TECRL: variants seen among roughly 807,000 people sequenced by gnomAD.
TECRL encodes trans-2,3-enoyl-CoA reductase like.
A neutral mutation model predicts 52.8 loss-of-function variants in TECRL; 63 were observed. The observed-to-expected ratio is 1.19, with a 90% CI of 0.97 to 1.47. TECRL has a LOEUF of 1.47. TECRL is among the 40% of genes most tolerant of loss of function. The pLI is 0.00. For synonymous variants in TECRL, 164 were observed against 141.9 expected (o/e 1.16, Z -1.10); for missense variants, 482 against 429.6 (o/e 1.12, Z -1.08).
chr4:64,375,237 G>T lies in TECRL; in HGVS notation c.235-14C>A. On this transcript the variant is annotated splice_polypyrimidine_tract_variant and intron_variant, in intron 1 of 11. Transcript: ENST00000381210. Reference sequence around the variant, plus strand: ...TGATTGTGTCACCTGAAAAGGAAAAGAAAATAGAGTTATTTTTAAAAACTG... The same window carrying T: ...TGATTGTGTCACCTGAAAAGGAAAATAAAATAGAGTTATTTTTAAAAACTG... 1 of 1,325,652 alleles carries T rather than the reference G, an allele frequency of 7.5e-7. No homozygotes were observed. The highest frequency in any genetic ancestry group is 1.0e-6 in the Non-Finnish European group (1 of 1,003,596). 82.1% of individuals were successfully genotyped at this position (1,325,652 alleles called of 1,614,324 possible).
chr4:64,308,665 A>T (rs1489948832), intron 6 of TECRL, among the ~76,000 whole-genome samples: 1 of 152,172 alleles, frequency 6.6e-6, no homozygotes, highest in East Asian at 1.9e-4. Context: ...TCTAGTGGCC[A>T]TGTGTCTTAA....
At chr4:64,294,160 T>C (rs1709270268) in intron 8 of TECRL, among the ~76,000 whole-genome samples, 1 of 151,772 alleles carries the variant, frequency 6.6e-6, no homozygotes, top group Admixed American at 6.6e-5. Flanking sequence ...CTAATTTTTG[T>C]ATTTTTAGTA....
intron 2 of TECRL, among the ~76,000 whole-genome samples, chr4:64,355,354 T>C (rs1392727411): frequency 6.6e-6 from 1 of 152,132 alleles, no homozygotes; most frequent in African/African-American, 2.4e-5. Context: ...AACATGAAGA[T>C]GTTGCTATGG....
intron 4 of TECRL, among the ~76,000 whole-genome samples, chr4:64,321,790 A>G (rs1560497815): frequency 2.6e-5 from 4 of 152,134 alleles, no homozygotes; most frequent in African/African-American, 2.4e-5. Context: ...TTTCCTCCAA[A>G]AAGAGCCAAA....
chr4:64,323,271 C>A (rs975224690), intron 3 of TECRL, among the ~76,000 whole-genome samples: 2 of 151,762 alleles, frequency 1.3e-5, no homozygotes, highest in African/African-American at 4.8e-5. Context: ...GTGCTGTGTG[C>A]CTGTAGTCCC....
At chr4:64,362,798 C>T (rs1721286975) in intron 2 of TECRL, among the ~76,000 whole-genome samples, 1 of 151,926 alleles carries the variant, frequency 6.6e-6, no homozygotes. Context: ...ATCAAGTGTA[C>T]ATAACAACCA....
At chr4:64,360,366 A>G (rs953813856) in intron 2 of TECRL, among the ~76,000 whole-genome samples, 1 of 152,190 alleles carries the variant, frequency 6.6e-6, no homozygotes, top group Non-Finnish European at 1.5e-5. Context: ...AGATTTGACA[A>G]TTCTTTTCAT....
intron 1 of TECRL, among the ~76,000 whole-genome samples, chr4:64,386,867 C>A (rs561230592): frequency 6.6e-6 from 1 of 152,170 alleles, no homozygotes; most frequent in South Asian, 2.1e-4. Context: ...GCATAGCATC[C>A]CCTATTATCA....
rs141985027 is a variant in TECRL, at chr4:64,364,977, C to T, written c.286+10195G>A. On this transcript the variant is annotated intron_variant, in intron 2 of 11. Transcript: ENST00000381210. Reference sequence around the variant, plus strand: ...AAATAAGAAAACCTGAGGACAATAACCCCGATGAAGATATGTTCAAAATTG... The same window carrying T: ...AAATAAGAAAACCTGAGGACAATAATCCCGATGAAGATATGTTCAAAATTG... 1.4e-3 allele frequency among the ~76,000 whole-genome samples: 219 copies of T among 151,958 alleles called. 3 individuals are homozygous for T. The highest frequency in any genetic ancestry group is 5.1e-3 in the African/African-American group (213 of 41,490).
At chr4:64,349,295 G>T (rs1383695098) in intron 2 of TECRL, among the ~76,000 whole-genome samples, 2 of 151,678 alleles carry the variant, frequency 1.3e-5, no homozygotes, top group Non-Finnish European at 2.9e-5. Flanking sequence ...CCTACACCAG[G>T]CTAATTTTTG....
intron 2 of TECRL, among the ~76,000 whole-genome samples, chr4:64,351,046 A>T (rs1720355308): frequency 2.9e-5 from 1 of 34,046 alleles, no homozygotes; most frequent in Non-Finnish European, 9.9e-5. Context: ...CCAGACACAG[A>T]GGATGACTTT....
intron 1 of TECRL, among the ~76,000 whole-genome samples, chr4:64,376,300 T>C (rs1722393186): frequency 6.6e-6 from 1 of 151,876 alleles, no homozygotes; most frequent in Non-Finnish European, 1.5e-5. Context: ...AAGACAGTTA[T>C]AAGATTTAAG....
At chr4:64,381,283 T>G (rs546505236) in intron 1 of TECRL, among the ~76,000 whole-genome samples, 1 of 152,200 alleles carries the variant, frequency 6.6e-6, no homozygotes, top group East Asian at 1.9e-4. Flanking sequence ...TTCTAAAATA[T>G]TTTTGGTGGT....
At chr4:64,312,872 T>C (rs992094215) in intron 5 of TECRL, among the ~76,000 whole-genome samples, 2 of 152,120 alleles carry the variant, frequency 1.3e-5, no homozygotes, top group African/African-American at 4.8e-5. Flanking sequence ...ATATTTAGCC[T>C]AAAAAAAGAA....
intron 2 of TECRL, among the ~76,000 whole-genome samples, chr4:64,368,611 A>T (rs1721777099): frequency 2.0e-5 from 3 of 151,992 alleles, no homozygotes; most frequent in Admixed American, 2.0e-4. Flanking sequence ...TTGTTTTTTA[A>T]CCCAACAAAC....
At position 64,303,218 on chromosome 4, in the gene TECRL, TA is replaced by T. The variant is rs1429557780; in HGVS notation, c.730+1947del. Among the ~76,000 whole-genome samples the T allele has an allele frequency of 1.7e-4, 24 of 139,696 alleles. No individual in the cohort carries two copies. In the East Asian group the frequency reaches 4.5e-3, roughly 26 times the overall value. 91.6% of individuals were successfully genotyped at this position (139,696 alleles called of 152,430 possible). A position where few individuals can be genotyped will look rare whatever the true frequency, so the allele number is the denominator to read the frequency against. On this transcript the variant is annotated intron_variant, in intron 7 of 11. Transcript: ENST00000381210. ...GGGAAGTTTTTTTGCAGCATAAATA[TA>T]GAAAATAGTGAAATTTTACAGAAAA...
chr4:64,292,866 A>G (rs2109955449), intron 8 of TECRL, among the ~76,000 whole-genome samples: 1 of 152,166 alleles, frequency 6.6e-6, no homozygotes, highest in Middle Eastern at 3.4e-3. Flanking sequence ...CTTTTTCCCC[A>G]TAATTAGTAA....
At chr4:64,391,201 A>G (rs895089259) in intron 1 of TECRL, among the ~76,000 whole-genome samples, 5 of 151,900 alleles carry the variant, frequency 3.3e-5, no homozygotes, top group African/African-American at 1.2e-4. Flanking sequence ...AAGTTTGATG[A>G]TTATATGAAC....
intron 2 of TECRL, among the ~76,000 whole-genome samples, chr4:64,343,805 G>T (rs1015789716): frequency 1.3e-5 from 2 of 152,000 alleles, no homozygotes; most frequent in Non-Finnish European, 2.9e-5. Context: ...ACATCAGTTT[G>T]TCAAAAGATT....
Sources: gnomAD v4.1 joint callset for allele counts (sites outside exome capture counted in the v4.1 genomes callset) on GRCh38, gnomAD v4.1.1 for gene constraint, MANE v1.5 for transcripts, NCBI Gene and HGNC (gene_info 2026-07-23, HGNC 2026-07-21) for gene names.